Variants in NAF1 observed in about 807,000 individuals in gnomAD.
NAF1 encodes nuclear assembly factor 1 ribonucleoprotein, also known as H/ACA ribonucleoprotein complex non-core subunit NAF1.
NAF1 carries 11 observed loss-of-function variants against 40.6 expected under a neutral mutation model. The ratio of observed to expected loss-of-function variants is 0.27; its 90% CI spans 0.17 to 0.45. The LOEUF is 0.45. Ranked by LOEUF, NAF1 falls within the 20% of genes least tolerant of loss-of-function variation. The pLI is 1.00. For synonymous variants in NAF1, 260 were observed against 228.5 expected (o/e 1.14, Z -1.24); for missense variants, 607 against 611.1 (o/e 0.99, Z 0.07).
chr4:163,146,092 A>C (rs529488767), intron 3 of NAF1, among the ~76,000 whole-genome samples: 1 of 152,292 alleles, frequency 6.6e-6, no homozygotes, highest in Non-Finnish European at 1.5e-5. Flanking sequence ...TAAGGGAAAA[A>C]AATTAAAATG....
chr4:163,133,173 T>C lies in NAF1; in HGVS notation c.1014A>G (p.Lys338=). ...ACTCACCAGGCTCATTAAATTCAGA[T>C]TTGAGTTTTTTCCGGCCTTGAATCT... is the stretch of plus-strand genomic sequence containing the variant. ...KSQIQGRKKL[K]SEFNEPGEDF... is the part of the protein sequence containing the mutation. The change falls in exon 7 of 8, where the codon AAA becomes AAG. Residue 338 remains lysine, a synonymous_variant. Transcript: ENST00000274054. 1 of 1,613,690 alleles carries C rather than the reference T, an allele frequency of 6.2e-7. No homozygotes were observed. Among genetic ancestry groups the C allele is most frequent in the South Asian group, 1.1e-5 (1 of 91,068 alleles).
chr4:163,114,462 G>C (rs533399858), intron 2 of NAF1, among the ~76,000 whole-genome samples: 1 of 152,290 alleles, frequency 6.6e-6, no homozygotes, highest in East Asian at 1.9e-4. Context: ...TTATTTTCAA[G>C]GCTTACACAG....
At chr4:163,122,481 C>T (rs1458921949), downstream of NAF1, among the ~76,000 whole-genome samples, 1 of 152,182 alleles carries the variant, frequency 6.6e-6, no homozygotes, top group Non-Finnish European at 1.5e-5. Flanking sequence ...TACATCTTCC[C>T]TATGTCCCAC....
At chr4:163,130,214 A>G (rs191922864) in intron 7 of NAF1, among the ~76,000 whole-genome samples, 118 of 152,344 alleles carry the variant, frequency 7.7e-4, no homozygotes, top group African/African-American at 2.8e-3. Context: ...AAAATTGCTC[A>G]TCACAAAAAG....
chr4:163,152,987 C>A (rs1349186463), intron 2 of NAF1, among the ~76,000 whole-genome samples: 1 of 152,214 alleles, frequency 6.6e-6, no homozygotes, highest in Non-Finnish European at 1.5e-5. Flanking sequence ...GCTTAGCACC[C>A]GGGCCAGCAG....
downstream of NAF1, among the ~76,000 whole-genome samples, chr4:163,128,253 G>C (rs1002808033): frequency 2.0e-5 from 3 of 152,074 alleles, no homozygotes. Flanking sequence ...CCTTTTAGGA[G>C]GTTAAATAGT....
At chr4:163,152,125 A>C (rs1273212824) in intron 2 of NAF1, among the ~76,000 whole-genome samples, 1 of 152,220 alleles carries the variant, frequency 6.6e-6, no homozygotes, top group Non-Finnish European at 1.5e-5. Flanking sequence ...AATTGTGATG[A>C]CAGTGGACAT....
chr4:163,149,863 C>T (rs1731626207), intron 2 of NAF1, among the ~76,000 whole-genome samples: 2 of 152,076 alleles, frequency 1.3e-5, no homozygotes, highest in South Asian at 2.1e-4. Flanking sequence ...GACTGGATAA[C>T]TATAATTTTG....
intron 2 of NAF1, among the ~76,000 whole-genome samples, chr4:163,121,511 T>C (rs1730517526): frequency 6.6e-6 from 1 of 152,204 alleles, no homozygotes; most frequent in South Asian, 2.1e-4. Context: ...TGAATAATAC[T>C]GTTCTTTATT....
chr4:163,151,416 G>A (rs533635892), intron 2 of NAF1, among the ~76,000 whole-genome samples: 1 of 147,380 alleles, frequency 6.8e-6, no homozygotes, highest in East Asian at 2.0e-4. Flanking sequence ...TTTTATTCTT[G>A]TATAAAAGTG....
chr4:163,155,732 A>G (rs1731959661), intron 2 of NAF1, among the ~76,000 whole-genome samples: 1 of 152,304 alleles, frequency 6.6e-6, no homozygotes, highest in South Asian at 2.1e-4. Context: ...ATCTCCTTTA[A>G]GGAAATAAAA....
downstream of NAF1, chr4:163,128,606 CTA>C (rs61471175): frequency 0.035 from 11,044 of 312,782 alleles, no homozygotes; most frequent in Middle Eastern, 0.045. Context: ...ATATCCATTA[CTA>C]TATATATATA....
intron 2 of NAF1, among the ~76,000 whole-genome samples, chr4:163,158,803 A>G (rs900118791): frequency 2.6e-5 from 4 of 152,100 alleles, no homozygotes; most frequent in African/African-American, 7.2e-5. Context: ...TTATATCACT[A>G]AGATAAAAAG....
At chr4:163,127,255 G>C, downstream of NAF1, 7 of 1,230,376 alleles carry the variant, frequency 5.7e-6, no homozygotes, top group Non-Finnish European at 7.4e-6. Flanking sequence ...TCAGCCTCCC[G>C]AGTAGCTGGG....
chr4:163,148,428 G>T lies in NAF1; in HGVS notation c.547C>A (p.Pro183Thr). Residue 183 changes from proline (P) to threonine (T), a missense_variant, in exon 3 of 8, where the codon CCT becomes ACT. Around this residue, in one of 3 missense-constraint regions of NAF1, gnomAD observed 407 missense variants for 365.5 expected, o/e 1.11. Coordinates refer to ENST00000274054, the MANE Select transcript of NAF1 (RefSeq NM_138386.3). ...ATAATAGTGAGTTCTTCAACAGAAGGCAGTTCCTATAATTTAAAACAAAAC... is the reference window on the plus strand; with the variant it reads ...ATAATAGTGAGTTCTTCAACAGAAGTCAGTTCCTATAATTTAAAACAAAAC... ...TKDELLLNELPSVEELTIILP... is the reference protein window; with the variant it reads ...TKDELLLNELTSVEELTIILP... The T allele has an allele frequency of 6.4e-7, 1 of 1,568,878 alleles. No individual in the cohort carries two copies. Among genetic ancestry groups the T allele is most frequent in the Non-Finnish European group, 8.6e-7 (1 of 1,162,978 alleles).
chr4:163,154,798 G>C (rs528729615), intron 2 of NAF1, among the ~76,000 whole-genome samples: 2 of 151,994 alleles, frequency 1.3e-5, no homozygotes, highest in African/African-American at 2.4e-5. Flanking sequence ...TTGAACCTGG[G>C]AGATGGAGGT....
chr4:163,164,642 C>G (rs1057314403), intron 1 of NAF1, among the ~76,000 whole-genome samples: 1 of 152,154 alleles, frequency 6.6e-6, no homozygotes, highest in Non-Finnish European at 1.5e-5. Flanking sequence ...ATAACATTTT[C>G]AAACCTTTGC....
At chr4:163,144,523 C>G (rs1731382446) in intron 4 of NAF1, among the ~76,000 whole-genome samples, 1 of 152,124 alleles carries the variant, frequency 6.6e-6, no homozygotes, top group African/African-American at 2.4e-5. Context: ...GTTTCATATT[C>G]TGGTTATTGG....
intron 7 of NAF1, 138 bp downstream of exon 7, chr4:163,133,016 T>G: frequency 1.5e-6 from 1 of 671,140 alleles, no homozygotes; most frequent in Non-Finnish European, 2.4e-6. Context: ...CCTCCTGCTA[T>G]GTAATGGCTC....
Sources: allele counts gnomAD v4.1 joint callset (sites outside exome capture counted in the v4.1 genomes callset), GRCh38; gene constraint gnomAD v4.1.1; regional missense constraint gnomAD v4.1.1; transcripts MANE v1.5; gene names NCBI Gene and HGNC (gene_info 2026-07-23, HGNC 2026-07-21).